Variants in SGMS1 observed in about 807,000 individuals in gnomAD.
SGMS1 encodes phosphatidylcholine:ceramide cholinephosphotransferase 1.
SGMS1 carries 13 observed loss-of-function variants against 46.2 expected under a neutral mutation model. The observed-to-expected ratio is 0.28, with a 90% CI of 0.18 to 0.45. SGMS1 has a LOEUF of 0.45. Among genes scored for constraint, SGMS1 ranks in the 20% least tolerant of loss-of-function variants. SGMS1 has a pLI of 1.00. For synonymous variants in SGMS1, 203 were observed against 187.8 expected (o/e 1.08, Z -0.66); for missense variants, 324 against 519.9 (o/e 0.62, Z 3.66).
At chr10:50,622,595 A>T (rs929739956) in intron 1 of SGMS1, among the ~76,000 whole-genome samples, 9 of 152,206 alleles carry the variant, frequency 5.9e-5, no homozygotes, top group African/African-American at 2.2e-4. Context: ...AGAACATAGA[A>T]AATAAACTTC....
At chr10:50,350,714 G>A (rs1161911118) in intron 6 of SGMS1, among the ~76,000 whole-genome samples, 2 of 152,214 alleles carry the variant, frequency 1.3e-5, no homozygotes, top group Non-Finnish European at 2.9e-5. Context: ...ATTGTGTTGA[G>A]CCTGCGGGTG....
intron 7 of SGMS1, among the ~76,000 whole-genome samples, chr10:50,329,590 C>A (rs987860832): frequency 6.6e-6 from 1 of 152,206 alleles, no homozygotes; most frequent in Non-Finnish European, 1.5e-5. Flanking sequence ...CACTTCTGGG[C>A]GTTCACTTCC....
At chr10:50,545,284 A>T (rs950480675) in intron 2 of SGMS1, among the ~76,000 whole-genome samples, 1 of 152,184 alleles carries the variant, frequency 6.6e-6, no homozygotes, top group Non-Finnish European at 1.5e-5. Context: ...AGAGGCAGTG[A>T]ATTTAAAAAG....
chr10:50,426,417 G>T (rs749564135), intron 6 of SGMS1, among the ~76,000 whole-genome samples: 1 of 152,124 alleles, frequency 6.6e-6, no homozygotes, highest in African/African-American at 2.4e-5. Context: ...AGATACAAGT[G>T]AATACAGTTA....
At chr10:50,589,576 C>A (rs1838520377) in intron 2 of SGMS1, among the ~76,000 whole-genome samples, 1 of 152,162 alleles carries the variant, frequency 6.6e-6, no homozygotes, top group African/African-American at 2.4e-5. Context: ...CTCAAGCGAT[C>A]CTCCCACCTC....
At chr10:50,436,940 C>T (rs949079866) in intron 5 of SGMS1, among the ~76,000 whole-genome samples, 3 of 152,202 alleles carry the variant, frequency 2.0e-5, no homozygotes, top group Non-Finnish European at 2.9e-5. Flanking sequence ...GAACTATGTT[C>T]TGCAACTAAG....
At chr10:50,380,164 T>C (rs1848580449) in intron 6 of SGMS1, among the ~76,000 whole-genome samples, 1 of 152,088 alleles carries the variant, frequency 6.6e-6, no homozygotes, top group Non-Finnish European at 1.5e-5. Flanking sequence ...GCGGATCACC[T>C]GAGGTCAGAT....
chr10:50,476,802 C>T (rs556368356), intron 3 of SGMS1, among the ~76,000 whole-genome samples: 22 of 152,242 alleles, frequency 1.4e-4, no homozygotes, highest in Non-Finnish European at 2.8e-4. Context: ...CAGAAGCCAA[C>T]AAGGCTTCCA....
chr10:50,348,405 A>C (rs182205593), intron 6 of SGMS1, among the ~76,000 whole-genome samples: 8 of 152,338 alleles, frequency 5.3e-5, no homozygotes, highest in African/African-American at 1.4e-4. Context: ...ATGATTGTAT[A>C]TTTAGAAAAC....
intron 6 of SGMS1, among the ~76,000 whole-genome samples, chr10:50,378,702 T>C (rs536863779): frequency 2.0e-5 from 3 of 152,314 alleles, no homozygotes; most frequent in East Asian, 3.9e-4. Context: ...ATTTGCTGAA[T>C]GAATAAGTGG....
At chr10:50,616,778 T>C (rs1411743730) in intron 1 of SGMS1, among the ~76,000 whole-genome samples, 1 of 152,148 alleles carries the variant, frequency 6.6e-6, no homozygotes, top group East Asian at 1.9e-4. Flanking sequence ...AATGTTATCA[T>C]GACAGAGAAA....
At chr10:50,404,321 T>G (rs942533822) in intron 6 of SGMS1, among the ~76,000 whole-genome samples, 30 of 152,054 alleles carry the variant, frequency 2.0e-4, no homozygotes, top group African/African-American at 6.7e-4. Flanking sequence ...ATTTTTTTTT[T>G]TTTTTTAAAA....
chr10:50,387,699 C>T (rs1425757442), intron 6 of SGMS1, among the ~76,000 whole-genome samples: 1 of 152,118 alleles, frequency 6.6e-6, no homozygotes, highest in Non-Finnish European at 1.5e-5. Context: ...AAAAGAAAAT[C>T]CTTAGCTAAA....
At chr10:50,459,120 A>G (rs1837232579) in intron 5 of SGMS1, among the ~76,000 whole-genome samples, 1 of 152,184 alleles carries the variant, frequency 6.6e-6, no homozygotes, top group Non-Finnish European at 1.5e-5. Flanking sequence ...GGACCATATT[A>G]GAAATATAAA....
chr10:50,505,143 G>T (rs1484749890), intron 3 of SGMS1, among the ~76,000 whole-genome samples: 1 of 152,184 alleles, frequency 6.6e-6, no homozygotes, highest in Non-Finnish European at 1.5e-5. Context: ...TTGAGCCTGG[G>T]AGGTAGAGGC....
At chr10:50,369,106 A>C (rs2133438883) in intron 6 of SGMS1, among the ~76,000 whole-genome samples, 1 of 152,358 alleles carries the variant, frequency 6.6e-6, no homozygotes, top group East Asian at 1.9e-4. Flanking sequence ...CTAAAAGATA[A>C]ATGACAACAG....
At chr10:50,487,960 T>C (rs918635610) in intron 3 of SGMS1, among the ~76,000 whole-genome samples, 38 of 151,260 alleles carry the variant, frequency 2.5e-4, no homozygotes, top group African/African-American at 9.2e-4. Flanking sequence ...TTTGAGGATA[T>C]TTCCTGATTT....
chr10:50,440,403 TC>T (rs1849529151), intron 5 of SGMS1, among the ~76,000 whole-genome samples: 1 of 152,088 alleles, frequency 6.6e-6, no homozygotes, highest in African/African-American at 2.4e-5. Flanking sequence ...GGCTTATTTT[TC>T]CCCGCAGAGC....
rs527987196 is a variant in SGMS1 at position 50,623,935 on chromosome 10, G to C, written c.-912C>G. ...CCGCTGGTGCGAACGCTTTCGACTT[G>C]CCACCGCGAGCCTCCCGGGCTGCCG... is the stretch of plus-strand genomic sequence containing the variant. On this transcript the variant is annotated 5_prime_UTR_variant, in exon 1 of 11. Coordinates refer to ENST00000361781, the MANE Select transcript of SGMS1 (RefSeq NM_147156.4). 1 of 986,292 alleles carries C rather than the reference G, an allele frequency of 1.0e-6. No homozygotes were observed. The highest frequency in any genetic ancestry group is 1.7e-5 in the African/African-American group (1 of 57,250). The allele number at this position is 986,292 out of a possible 1,614,324, so 61.1% of individuals were successfully genotyped here. A position where few individuals can be genotyped will look rare whatever the true frequency, so the allele number is the denominator to read the frequency against.
Sources: gnomAD v4.1 joint callset for allele counts (sites outside exome capture counted in the v4.1 genomes callset) on GRCh38, gnomAD v4.1.1 for gene constraint, MANE v1.5 for transcripts, NCBI Gene and HGNC (gene_info 2026-07-23, HGNC 2026-07-21) for gene names.